The following COLEC12 variants were observed in gnomAD, a reference collection of about 807,000 sequenced individuals.
The protein encoded by COLEC12 is collectin-12.
COLEC12 carries 33 observed loss-of-function variants against 71.1 expected under a neutral mutation model. That is an observed-to-expected ratio of 0.46 (90% CI 0.35 to 0.62). The LOEUF is 0.62. Among genes scored for constraint, COLEC12 ranks in the 20% least tolerant of loss-of-function variants. COLEC12 has a pLI of 0.00. For missense variants in COLEC12, 765 were observed against 916.1 expected (o/e 0.84, Z 2.13); for synonymous variants, 350 against 353.0 (o/e 0.99, Z 0.10).
intron 3 of COLEC12, among the ~76,000 whole-genome samples, chr18:349,227 C>T (rs1914452869): frequency 6.6e-6 from 1 of 152,202 alleles, no homozygotes; most frequent in South Asian, 2.1e-4. Flanking sequence ...AGCCTAGGGA[C>T]TTGGTGCCCT....
At chr18:495,286 C>T (rs1373708718) in intron 1 of COLEC12, among the ~76,000 whole-genome samples, 1 of 152,174 alleles carries the variant, frequency 6.6e-6, no homozygotes, top group African/African-American at 2.4e-5. Context: ...AATGAACCTT[C>T]TATGAAAAAT....
chr18:475,828 C>T (rs1225061793), intron 2 of COLEC12, among the ~76,000 whole-genome samples: 1 of 152,160 alleles, frequency 6.6e-6, no homozygotes, highest in Admixed American at 6.5e-5. Context: ...ATGTGTTTAT[C>T]TCTTTGGAGG....
chr18:464,785 C>T (rs1188526335), intron 2 of COLEC12, among the ~76,000 whole-genome samples: 9 of 152,210 alleles, frequency 5.9e-5, no homozygotes, highest in African/African-American at 9.7e-5. Context: ...CAATCTCATC[C>T]AACGAACTCT....
At chr18:498,920 T>C (rs1253978198) in intron 1 of COLEC12, among the ~76,000 whole-genome samples, 1 of 152,192 alleles carries the variant, frequency 6.6e-6, no homozygotes, top group East Asian at 1.9e-4. Context: ...AGCGGTCCTT[T>C]ACCCAGTAAA....
chr18:341,383 T>A (rs947617359), intron 5 of COLEC12, among the ~76,000 whole-genome samples: 1 of 152,218 alleles, frequency 6.6e-6, no homozygotes, highest in Non-Finnish European at 1.5e-5. Context: ...TGAAAGCTGA[T>A]AATTTATCCA....
At chr18:435,218 C>T (rs373287610) in intron 2 of COLEC12, among the ~76,000 whole-genome samples, 10 of 152,302 alleles carry the variant, frequency 6.6e-5, no homozygotes, top group African/African-American at 1.9e-4. Context: ...TGTATTAGTC[C>T]ATTCTCACAC....
At chr18:364,808 C>A (rs1020727998) in intron 2 of COLEC12, among the ~76,000 whole-genome samples, 24 of 152,064 alleles carry the variant, frequency 1.6e-4, no homozygotes, top group African/African-American at 5.6e-4. Context: ...GGCCAGGAAC[C>A]CTCTCCTGGT....
At chr18:390,118 G>A (rs529983476) in intron 2 of COLEC12, among the ~76,000 whole-genome samples, 58 of 152,276 alleles carry the variant, frequency 3.8e-4, no homozygotes, top group African/African-American at 1.3e-3. Flanking sequence ...CATCTCAACC[G>A]AGGCAGTTCC....
chr18:343,068 T>A (rs1246875154), intron 5 of COLEC12, among the ~76,000 whole-genome samples: 1 of 152,124 alleles, frequency 6.6e-6, no homozygotes, highest in African/African-American at 2.4e-5. Flanking sequence ...AGCCAATCCA[T>A]CAGCAGGTCC....
At chr18:405,645 T>C (rs1598353300) in intron 2 of COLEC12, among the ~76,000 whole-genome samples, 1 of 152,158 alleles carries the variant, frequency 6.6e-6, no homozygotes, top group Non-Finnish European at 1.5e-5. Flanking sequence ...CCAACACAGG[T>C]ATTTCAATCA....
chr18:500,621 C>T lies in COLEC12; in HGVS notation c.-107G>A. ...CACCGCACGCCCATGGTAGCCGCGC[C>T]GCGCGCCGGCCGTCTGCGCCCCCGT... On this transcript the variant is annotated 5_prime_UTR_variant, in exon 1 of 10. Coordinates refer to ENST00000400256, the MANE Select transcript of COLEC12 (RefSeq NM_130386.3). The surrounding 1 kb of genome is among the most constrained non-coding windows in gnomAD (Gnocchi z 5.3). The T allele has an allele frequency of 4.2e-6, 4 of 957,990 alleles. No homozygotes were observed. In the South Asian group the frequency reaches 2.0e-4, roughly 49 times the overall value. The allele number at this position is 957,990 out of a possible 1,614,324, so 59.3% of individuals were successfully genotyped here.
intron 2 of COLEC12, among the ~76,000 whole-genome samples, chr18:472,840 T>C (rs915290149): frequency 6.7e-6 from 1 of 150,160 alleles, no homozygotes; most frequent in African/African-American, 2.5e-5. Flanking sequence ...GGGAATAAGG[T>C]GAGAAGGATC....
intron 2 of COLEC12, among the ~76,000 whole-genome samples, chr18:441,156 G>T (rs982946647): frequency 6.7e-6 from 1 of 148,350 alleles, no homozygotes; most frequent in Non-Finnish European, 1.5e-5. Context: ...GCTGAGGCAG[G>T]AGAATGGCGT....
chr18:335,139 CCCCTT>C lies in COLEC12; in HGVS notation c.1414_1418del (p.Lys472GlyfsTer10). On this transcript the variant is annotated frameshift_variant, in exon 6 of 10. Transcript: ENST00000400256. LOFTEE classifies it high-confidence loss of function. The stretch of plus-strand genomic sequence containing the variant: ...CCGCAGGGCCAGGTGGTCCAGGCTC[CCCCTT>C]CTCTCCTTTCTGTCCCTTGTTGCCA... The C allele has an allele frequency of 6.2e-7, 1 of 1,612,802 alleles. No homozygotes were observed. The highest frequency in any genetic ancestry group is 8.5e-7 in the Non-Finnish European group (1 of 1,179,580).
intron 2 of COLEC12, among the ~76,000 whole-genome samples, chr18:433,065 G>A (rs1419737256): frequency 1.3e-5 from 2 of 151,852 alleles, no homozygotes; most frequent in African/African-American, 2.4e-5. Flanking sequence ...CAGCAGAACT[G>A]ACTATCTTGA....
At chr18:361,897 A>T (rs1008517556) in intron 2 of COLEC12, among the ~76,000 whole-genome samples, 5 of 152,190 alleles carry the variant, frequency 3.3e-5, no homozygotes, top group Non-Finnish European at 7.3e-5. Context: ...ATGCCTCTTC[A>T]GGATGATTTC....
At chr18:453,202 T>A (rs1916795964) in intron 2 of COLEC12, among the ~76,000 whole-genome samples, 1 of 152,210 alleles carries the variant, frequency 6.6e-6, no homozygotes, top group Non-Finnish European at 1.5e-5. Flanking sequence ...GTATGATCAG[T>A]GTCACTGGCT....
At chr18:355,971 C>T (rs149078400) in intron 3 of COLEC12, among the ~76,000 whole-genome samples, 106 of 152,306 alleles carry the variant, frequency 7.0e-4, no homozygotes, top group African/African-American at 2.2e-3. Context: ...ATGGATAGAA[C>T]GACCTGGTAG....
intron 2 of COLEC12, among the ~76,000 whole-genome samples, chr18:415,724 TTCC>T (rs1915974048): frequency 6.6e-6 from 1 of 152,206 alleles, no homozygotes; most frequent in South Asian, 2.1e-4. Flanking sequence ...CCTTTGGAAG[TTCC>T]TCCAAGGCAC....
Sources: allele counts gnomAD v4.1 joint callset (sites outside exome capture counted in the v4.1 genomes callset), GRCh38; gene constraint gnomAD v4.1.1; non-coding constraint Gnocchi (gnomAD v3.1); transcripts MANE v1.5; gene names NCBI Gene and HGNC (gene_info 2026-07-23, HGNC 2026-07-21).